Variants in GRIN2A observed in about 807,000 individuals in gnomAD.
GRIN2A encodes glutamate receptor ionotropic, NMDA 2A.
Under a neutral mutation model 113.4 loss-of-function variants are expected in GRIN2A, and 22 were observed. The observed-to-expected ratio is 0.19, with a 90% CI of 0.14 to 0.28. The LOEUF is 0.28. Ranked by LOEUF, GRIN2A falls within the 10% of genes least tolerant of loss-of-function variation. The probability of loss-of-function intolerance (pLI) is 1.00; values close to 1 mark genes in which losing one functional copy is unlikely to be tolerated. For missense variants in GRIN2A, 1,502 were observed against 1,887.0 expected, an observed-to-expected ratio of 0.80 and a Z score of 3.78; for synonymous variants, 827 against 738.4, an observed-to-expected ratio of 1.12 and a Z score of -1.94.
intron 11 of GRIN2A, among the ~76,000 whole-genome samples, chr16:9,780,729 A>AT (rs1391380299): frequency 2.4e-4 from 36 of 152,266 alleles, no homozygotes; most frequent in Non-Finnish European, 5.0e-4. Flanking sequence ...ATAGAAAAAA[A>AT]CAGTGAGTGG....
In GRIN2A at chr16:9,764,539, G is replaced by C. The variant is rs749997301; in HGVS notation, c.3005C>G (p.Thr1002Arg). The stretch of plus-strand genomic sequence containing the variant: ...GGGTCTAGAGTTCGCTTTGGATTCT[G>C]TGCTCACGGCCACCTCCACCGTGTT... Reference protein sequence around the residue: ...NPNTVEVAVSTESKANSRPRQ... With the variant: ...NPNTVEVAVSRESKANSRPRQ... The change falls in exon 13 of 13, where the codon ACA (threonine) becomes AGA (arginine). Residue 1002 changes from threonine to arginine, a missense_variant. By Grantham distance (71) the Thr-to-Arg change is moderately conservative. This residue lies in a region of GRIN2A where 832 missense variants were observed against 789.7 expected (regional missense o/e 1.05). Transcript: ENST00000330684. 1 of 1,613,836 alleles carries C rather than the reference G, an allele frequency of 6.2e-7. No homozygotes were observed. The highest frequency in any genetic ancestry group is 1.7e-5 in the Admixed American group (1 of 60,008).
chr16:10,055,573 C>T (rs888557469), intron 2 of GRIN2A, among the ~76,000 whole-genome samples: 1 of 152,202 alleles, frequency 6.6e-6, no homozygotes, highest in Non-Finnish European at 1.5e-5. Flanking sequence ...AGACCTTTGT[C>T]ACATCTGATG....
intron 2 of GRIN2A, among the ~76,000 whole-genome samples, chr16:10,046,947 G>T (rs1371849978): frequency 6.6e-6 from 1 of 152,144 alleles, no homozygotes; most frequent in Non-Finnish European, 1.5e-5. Flanking sequence ...GACAGTTGGA[G>T]CTGGTTAATT....
chr16:9,794,759 C>T (rs776779616), intron 11 of GRIN2A: 8 of 152,172 alleles, frequency 5.3e-5, no homozygotes, highest in Non-Finnish European at 1.2e-4. Flanking sequence ...CATCTGGATG[C>T]TTTTACTGTT....
At chr16:10,165,653 G>C (rs1280673195) in intron 2 of GRIN2A, among the ~76,000 whole-genome samples, 1 of 132,456 alleles carries the variant, frequency 7.5e-6, no homozygotes, top group African/African-American at 2.8e-5. Flanking sequence ...GAGAGAGACA[G>C]AGACAGAGAG....
At chr16:9,828,368 G>C (rs1334755635) in intron 9 of GRIN2A, among the ~76,000 whole-genome samples, 1 of 152,162 alleles carries the variant, frequency 6.6e-6, no homozygotes, top group Admixed American at 6.5e-5. Flanking sequence ...CCCCTCATCA[G>C]CTCTCTTGAC....
intron 9 of GRIN2A, among the ~76,000 whole-genome samples, chr16:9,826,486 G>C (rs901645995): frequency 6.6e-6 from 1 of 152,060 alleles, no homozygotes; most frequent in Admixed American, 6.5e-5. Flanking sequence ...TAAAAGCATT[G>C]TAAACCTGAG....
intron 2 of GRIN2A, among the ~76,000 whole-genome samples, chr16:10,129,817 G>A (rs184168605): frequency 1.6e-3 from 248 of 152,304 alleles, no homozygotes; most frequent in African/African-American, 4.5e-3. Flanking sequence ...TTACTCACTC[G>A]ACCAGCGAGG....
chr16:9,819,077 GA>G lies in GRIN2A; in HGVS notation c.2168+3186del, dbSNP rs374965123. Reference sequence around the variant, plus strand: ...TTATGCATTAATATAGAAAGATTCAGAAGAACATATTGGAAGGATACACAGA... The same window carrying G: ...TTATGCATTAATATAGAAAGATTCAGAGAACATATTGGAAGGATACACAGA... On this transcript the variant is annotated intron_variant, in intron 10 of 12. Transcript: ENST00000330684. Among the ~76,000 whole-genome samples the G allele has an allele frequency of 2.9e-3, 446 of 152,186 alleles. 2 individuals carry two copies. The highest frequency in any genetic ancestry group is 0.01 in the African/African-American group (418 of 41,532).
At chr16:10,004,458 T>C (rs144146994) in intron 2 of GRIN2A, among the ~76,000 whole-genome samples, 207 of 152,020 alleles carry the variant, frequency 1.4e-3, no homozygotes, top group African/African-American at 4.9e-3. Flanking sequence ...AACCAGGTGG[T>C]TTAAAACAGT....
chr16:10,137,071 C>A (rs1477420041), intron 2 of GRIN2A, among the ~76,000 whole-genome samples: 11 of 152,190 alleles, frequency 7.2e-5, no homozygotes, highest in Admixed American at 7.2e-4. Flanking sequence ...TGCTTATCCA[C>A]AAATCCCTAC....
At chr16:10,111,321 A>T (rs7189786) in intron 2 of GRIN2A, 100,619 of 382,046 alleles carry the variant, frequency 0.26, 14,915 homozygotes, top group East Asian at 0.44. Flanking sequence ...CGTCAGCAGC[A>T]GCGGCAGCAG....
At chr16:9,824,142 G>A (rs1032676764) in intron 9 of GRIN2A, among the ~76,000 whole-genome samples, 29 of 152,348 alleles carry the variant, frequency 1.9e-4, no homozygotes, top group African/African-American at 7.0e-4. Context: ...CTAATATGCA[G>A]TCATAACTGG....
chr16:9,860,445 C>CAAAAAAAAAAAAAAAAAAAAAAAA (rs35715098), intron 4 of GRIN2A, among the ~76,000 whole-genome samples: 1 of 57,952 alleles, frequency 1.7e-5, no homozygotes, highest in Non-Finnish European at 3.3e-5. Context: ...AAGAGTCTCT[C>CAAAAAAAAAAAAAAAAAAAAAAAA]AAAAAAAAAA....
At chr16:10,065,428 C>G (rs2047631059) in intron 2 of GRIN2A, among the ~76,000 whole-genome samples, 1 of 152,204 alleles carries the variant, frequency 6.6e-6, no homozygotes, top group African/African-American at 2.4e-5. Flanking sequence ...AGGAGTCTCT[C>G]AACTTCAGGT....
intron 2 of GRIN2A, among the ~76,000 whole-genome samples, chr16:10,015,439 A>G (rs1402929090): frequency 4.6e-5 from 7 of 152,068 alleles, no homozygotes; most frequent in Admixed American, 4.6e-4. Context: ...TTGGAGACCT[A>G]CTTCCAGGTG....
chr16:10,111,696 T>A, intron 2 of GRIN2A: 1 of 1,563,968 alleles, frequency 6.4e-7, no homozygotes, highest in Non-Finnish European at 8.8e-7. Flanking sequence ...ACGAGGTGCA[T>A]AAGGTCAAGA....
intron 2 of GRIN2A, among the ~76,000 whole-genome samples, chr16:10,086,762 C>T (rs758991430): frequency 2.6e-5 from 4 of 152,140 alleles, no homozygotes; most frequent in East Asian, 1.9e-4. Context: ...CCACAGACCT[C>T]GGGGAAGAGC....
At chr16:9,844,296 C>T (rs1567340502) in intron 5 of GRIN2A, among the ~76,000 whole-genome samples, 1 of 152,280 alleles carries the variant, frequency 6.6e-6, no homozygotes, top group Middle Eastern at 3.4e-3. Flanking sequence ...GCATTTTCAC[C>T]CAACAAGCAC....
Sources: gnomAD v4.1 joint callset for allele counts (sites outside exome capture counted in the v4.1 genomes callset) on GRCh38, gnomAD v4.1.1 for gene constraint, gnomAD v4.1.1 regional missense constraint, MANE v1.5 for transcripts, NCBI Gene and HGNC (gene_info 2026-07-23, HGNC 2026-07-21) for gene names.